Variants in LHX6 observed in about 807,000 individuals in gnomAD.
LHX6 encodes the protein LIM homeobox 6.
A neutral mutation model predicts 47.1 loss-of-function variants in LHX6; 15 were observed. The ratio of observed to expected loss-of-function variants is 0.32; its 90% confidence interval spans 0.21 to 0.49. The LOEUF is 0.49. LHX6 is among the 20% of genes least tolerant of loss of function. LHX6 has a pLI of 0.99. For missense variants in LHX6, 404 were observed against 539.6 expected (o/e 0.75, Z 2.49); for synonymous variants, 242 against 233.5 (o/e 1.04, Z -0.33).
Position 122,226,785 on chromosome 9 carries a change from G to A in LHX6, c.339+63C>T, listed in dbSNP as rs1030680712. The A allele has an allele frequency of 1.1e-5, 16 of 1,496,600 alleles. No individual in the cohort carries two copies. The Admixed American group carries it at 1.5e-4, about 14-fold the overall frequency. The allele number at this position is 1,496,600 out of a possible 1,614,324, so 92.7% of individuals were successfully genotyped here. ...GTAAGAGGACCTGCGGTGCTTCCCT[G>A]CAGTCTCCTGCGCTGCGTCCCACGC... is the stretch of plus-strand genomic sequence containing the variant. On this transcript the variant is annotated intron_variant, in intron 3 of 9. Transcript: ENST00000394319. This position sits in a 1 kb window ranked among gnomAD's most constrained non-coding sequence, Gnocchi z 6.5.
rs1162504298 is a variant in LHX6, at chr9:122,228,870, G to A, written c.-130C>T. On this transcript the variant is annotated 5_prime_UTR_variant, in exon 1 of 10. Transcript: ENST00000394319. ...GCCGAGGCGCCGGCCCCGCCGCCCC[G>A]GGCCCGGCCTCAGCCCCCGCCCCCG... 1.2e-5 allele frequency: 6 copies of A among 504,474 alleles called. No individual in the cohort carries two copies. The highest frequency in any genetic ancestry group is 1.4e-5 in the Non-Finnish European group (5 of 354,066). 31.2% of individuals were successfully genotyped at this position (504,474 alleles called of 1,614,324 possible).
Position 122,226,070 on chromosome 9 carries a change from C to T in LHX6, c.461+306G>A, listed in dbSNP as rs534041543. On this transcript the variant is annotated intron_variant, in intron 4 of 9. Transcript: ENST00000394319. This position sits in a 1 kb window ranked among gnomAD's most constrained non-coding sequence, Gnocchi z 6.5. ...GACCTCAGAGCTCCACCGAGGCGCTCGAGGTCAGAACTGAAGCCTGAGACT... is the reference window on the plus strand; with the variant it reads ...GACCTCAGAGCTCCACCGAGGCGCTTGAGGTCAGAACTGAAGCCTGAGACT... Among the ~76,000 whole-genome samples, 16 of 152,258 alleles carry T rather than the reference C, an allele frequency of 1.1e-4. 1 individual carries two copies. Among genetic ancestry groups the T allele is most frequent in the African/African-American group, 3.6e-4 (15 of 41,554 alleles).
Position 122,226,405 on chromosome 9 carries a change from C to T in LHX6, c.432G>A (p.Lys144=). The change falls in exon 4 of 10, where the codon AAG becomes AAA. Residue 144 remains lysine, a synonymous_variant. Coordinates refer to ENST00000394319, the MANE Select transcript of LHX6 (RefSeq NM_014368.5). The surrounding 1 kb of genome is among the most constrained non-coding windows in gnomAD (Gnocchi z 6.5). ...AGTAGTCCATCTTGCAGAAGATCTC[C>T]TTGTTCTTGATGTAGCAGCTGTTCT... The part of the protein sequence containing the change: ...RQQNSCYIKN[K]EIFCKMDYFS... 1 of 1,613,746 alleles carries T rather than the reference C, an allele frequency of 6.2e-7. No individual in the cohort carries two copies. Among genetic ancestry groups the T allele is most frequent in the Non-Finnish European group, 8.5e-7 (1 of 1,179,896 alleles).
chr9:122,221,223 G>A (rs1170721192), intron 4 of LHX6: 4 of 983,126 alleles, frequency 4.1e-6, no homozygotes, highest in Admixed American at 1.2e-4. Flanking sequence ...GAAGCCAGAG[G>A]GGGAAAAAAA....
In LHX6 at chr9:122,214,277, C is replaced by T. The variant is rs370057840; in HGVS notation, c.783+6G>A. 1.3e-5 allele frequency: 20 copies of T among 1,590,482 alleles called. No individual in the cohort carries two copies. The African/African-American group carries it at 2.1e-4, about 16-fold the overall frequency. Reference sequence around the variant, plus strand: ...CGCCCCCGCCGCCCACTGCTTGCAGCGGTACCTGCAGCTGTTCCGCGGTGA... The same window carrying T: ...CGCCCCCGCCGCCCACTGCTTGCAGTGGTACCTGCAGCTGTTCCGCGGTGA... On this transcript the variant is annotated splice_donor_region_variant and intron_variant, in intron 6 of 9. Coordinates refer to ENST00000394319, the MANE Select transcript of LHX6 (RefSeq NM_014368.5). This position sits in a 1 kb window ranked among gnomAD's most constrained non-coding sequence, Gnocchi z 4.6.
rs1473252468 is a variant in LHX6 at position 122,228,726 on chromosome 9, A to C, written c.15T>G (p.His5Gln). The C allele has an allele frequency of 3.9e-6, 5 of 1,292,184 alleles. No individual in the cohort carries two copies. The highest frequency in any genetic ancestry group is 2.9e-6 in the Non-Finnish European group (3 of 1,018,598). The allele number at this position is 1,292,184 out of a possible 1,614,324, so 80.0% of individuals were successfully genotyped here. The change falls in exon 1 of 10, where the codon CAT becomes CAG. Residue 5 changes from histidine (H) to glutamine (Q), a missense_variant. His to Gln is a conservative substitution (Grantham distance 24, BLOSUM62 0). Around this residue, in one of 7 missense-constraint regions of LHX6, gnomAD observed 144 missense variants for 128.7 expected, o/e 1.12. Transcript: ENST00000394319. MYWK[H>Q]ENAAPALPEG... The stretch of plus-strand genomic sequence containing the variant: ...CGGGCAACGCCGGGGCGGCGTTCTC[A>C]TGCTTCCAGTACATGGGCCGGGGAA...
chr9:122,215,277 A>T (rs889099947), intron 5 of LHX6, among the ~76,000 whole-genome samples: 1 of 152,264 alleles, frequency 6.6e-6, no homozygotes, highest in Non-Finnish European at 1.5e-5. Flanking sequence ...ATCTGAGAAG[A>T]TACACATTAA....
chr9:122,216,485 A>T (rs1421681625), intron 5 of LHX6, among the ~76,000 whole-genome samples: 1 of 152,224 alleles, frequency 6.6e-6, no homozygotes, highest in Non-Finnish European at 1.5e-5. Context: ...AGGAAACCTC[A>T]TATGTCAACA....
chr9:122,228,494 C>CCCG (rs1831205112), intron 1 of LHX6, 163 bp downstream of exon 1: 16 of 1,397,518 alleles, frequency 1.1e-5, no homozygotes, highest in South Asian at 6.1e-5. Flanking sequence ...CGACCCCCCC[C>CCCG]CCCCGCTCGC....
Position 122,226,703 on chromosome 9 carries a change from A to AC in LHX6, c.339+144dup. The AC allele has an allele frequency of 1.6e-6, 2 of 1,212,244 alleles. No homozygotes were observed. Among genetic ancestry groups the AC allele is most frequent in the Non-Finnish European group, 2.2e-6 (2 of 891,538 alleles). The allele number at this position is 1,212,244 out of a possible 1,614,324, so 75.1% of individuals were successfully genotyped here. On this transcript the variant is annotated intron_variant, in intron 3 of 9. Coordinates refer to ENST00000394319, the MANE Select transcript of LHX6 (RefSeq NM_014368.5). This position sits in a 1 kb window ranked among gnomAD's most constrained non-coding sequence, Gnocchi z 6.5. ...AGACGGAACCCGGGGGCTCAGGCAG[A>AC]CCCTAAGTCTTGCCCAAAGCTTCGC...
At chr9:122,206,843 C>T (rs577059299) in intron 9 of LHX6, among the ~76,000 whole-genome samples, 378 of 152,234 alleles carry the variant, frequency 2.5e-3, no homozygotes, top group Non-Finnish European at 2.7e-3. Flanking sequence ...CCACACTGAA[C>T]GTCCCCCAGG....
rs368950297 is a variant in LHX6, at chr9:122,216,952, G to A, written c.682+116C>T. ...CGCCCCACCCCTACGCTGCCTGCGGGACTATACCGGGAGGGCCCAATCGGT... is the reference window on the plus strand; with the variant it reads ...CGCCCCACCCCTACGCTGCCTGCGGAACTATACCGGGAGGGCCCAATCGGT... On this transcript the variant is annotated intron_variant, in intron 5 of 9. Coordinates refer to ENST00000394319, the MANE Select transcript of LHX6 (RefSeq NM_014368.5). The A allele has an allele frequency of 1.1e-5, 9 of 840,310 alleles. No individual in the cohort carries two copies. In the African/African-American group the frequency reaches 1.4e-4, roughly 13 times the overall value. The allele number at this position is 840,310 out of a possible 1,614,324, so 52.1% of individuals were successfully genotyped here.
chr9:122,221,432 T>A, intron 4 of LHX6: 1 of 985,090 alleles, frequency 1.0e-6, no homozygotes, highest in Non-Finnish European at 1.2e-6. Context: ...CGGGAGGGGG[T>A]AGGCTTCTCC....
At chr9:122,209,776 GC>G in intron 8 of LHX6, 59 bp from the exon 9 acceptor site, 1 of 720,844 alleles carries the variant, frequency 1.4e-6, no homozygotes. Context: ...GATCCCACCT[GC>G]CCCGTGCTCT....
At chr9:122,220,131 C>G (rs1189400113) in intron 4 of LHX6, among the ~76,000 whole-genome samples, 2 of 152,224 alleles carry the variant, frequency 1.3e-5, no homozygotes, top group African/African-American at 4.8e-5. Context: ...TCCCGCGAGT[C>G]CCCGACGCCC....
At position 122,209,599 on chromosome 9, in the gene LHX6, C is replaced by G. The variant is rs773251240; in HGVS notation, c.1158+15G>C. 3 of 1,613,704 alleles carry G rather than the reference C, an allele frequency of 1.9e-6. No homozygotes were observed. In the African/African-American group the frequency reaches 4.0e-5, roughly 22 times the overall value. ...GGTGGCTCTGACCCACCAGACCCAA[C>G]CTGGCTCCATTTACCTTCTCACCCC... On this transcript the variant is annotated intron_variant, in intron 9 of 9. Coordinates refer to ENST00000394319, the MANE Select transcript of LHX6 (RefSeq NM_014368.5).
chr9:122,207,511 G>T (rs752466584), intron 9 of LHX6, among the ~76,000 whole-genome samples: 1 of 152,220 alleles, frequency 6.6e-6, no homozygotes, highest in Non-Finnish European at 1.5e-5. Context: ...AGAAGTAGCT[G>T]CCTTGAACAG....
chr9:122,217,252 C>A lies in LHX6; in HGVS notation c.498G>T (p.Gln166His), dbSNP rs565893915. Residue 166 changes from glutamine (Q) to histidine (H), a missense_variant, in exon 5 of 10, where the codon CAG (glutamine) becomes CAT (histidine). By Grantham distance (24) the Gln-to-His change is conservative. Transcript: ENST00000394319. The surrounding 1 kb of genome is among the most constrained non-coding windows in gnomAD (Gnocchi z 4.9). ...FGTKCARCGR[Q>H]IYASDWVRRA... The stretch of plus-strand genomic sequence containing the variant: ...TCCGCACCCAGTCGCTGGCGTAGAT[C>A]TGTCGGCCGCACCGGGCACACTTGG... 2 of 1,613,578 alleles carry A rather than the reference C, an allele frequency of 1.2e-6. No homozygotes were observed. Among genetic ancestry groups the A allele is most frequent in the Non-Finnish European group, 1.7e-6 (2 of 1,179,988 alleles).
chr9:122,216,922 T>A (rs1830613071), intron 5 of LHX6, 146 bp downstream of exon 5: 7 of 652,278 alleles, frequency 1.1e-5, no homozygotes, highest in South Asian at 1.9e-5. Context: ...GCAAGATCTG[T>A]TCGCCGCCCC....
Sources: gnomAD v4.1 joint callset for allele counts (sites outside exome capture counted in the v4.1 genomes callset) on GRCh38, gnomAD v4.1.1 for gene constraint, gnomAD v4.1.1 regional missense constraint, Gnocchi (gnomAD v3.1) non-coding constraint, MANE v1.5 for transcripts, NCBI Gene and HGNC (gene_info 2026-07-23, HGNC 2026-07-21) for gene names.